Variants in CSMD1 observed in about 807,000 individuals in gnomAD.
CSMD1 encodes CUB and sushi domain-containing protein 1.
In CSMD1, 213 loss-of-function variants were observed where a neutral mutation model predicts 417.5. The observed-to-expected ratio is 0.51, with a 90% CI of 0.46 to 0.57. The LOEUF (loss-of-function observed/expected upper bound fraction) is 0.57, where lower values mean the gene tolerates loss of function less well. Among genes scored for constraint, CSMD1 ranks in the 20% least tolerant of loss-of-function variants. The pLI, the probability that CSMD1 is intolerant of heterozygous loss-of-function variation, is 0.00. For synonymous variants in CSMD1, 2,862 were observed against 1,736.8 expected, an observed-to-expected ratio of 1.65 and a Z score of -16.11; for missense variants, 6,923 against 4,529.7, an observed-to-expected ratio of 1.53 and a Z score of -15.17.
rs376859497 is a variant in CSMD1, at chr8:4,267,206, A to G, written c.415+152747T>C. ...ATTCCAAAAAATGCACAACAAAAGA[A>G]TCCATTAACAACAGTTATTAAAGAA... On this transcript the variant is annotated intron_variant, in intron 3 of 69. Transcript: ENST00000635120. 1.5e-4 allele frequency among the ~76,000 whole-genome samples: 16 copies of G among 104,668 alleles called. 5 individuals are homozygous for G. In the South Asian group the frequency reaches 5.9e-3, roughly 39 times the overall value. The allele number at this position is 104,668 out of a possible 152,430, so 68.7% of individuals were successfully genotyped here.
intron 12 of CSMD1, among the ~76,000 whole-genome samples, chr8:3,462,135 C>A (rs908564411): frequency 1.0e-4 from 15 of 143,194 alleles, no homozygotes; most frequent in Admixed American, 1.0e-3. Flanking sequence ...CCCCCCCCCA[C>A]CTCCCAGCTG....
chr8:3,445,504 C>T (rs7005470), intron 12 of CSMD1, among the ~76,000 whole-genome samples: 97,270 of 152,032 alleles, frequency 0.64, 31,295 homozygotes, highest in East Asian at 0.78. Context: ...GCCTCTATAG[C>T]TGCAATGTGC....
chr8:3,466,307 C>G (rs975249550), intron 12 of CSMD1, among the ~76,000 whole-genome samples: 2 of 152,030 alleles, frequency 1.3e-5, no homozygotes, highest in African/African-American at 4.8e-5. Context: ...AGTACAGCTC[C>G]AGAGCCTGTG....
intron 68 of CSMD1, among the ~76,000 whole-genome samples, chr8:2,947,262 T>C (rs1161474414): frequency 1.3e-5 from 2 of 152,220 alleles, no homozygotes; most frequent in African/African-American, 4.8e-5. Context: ...GTCTTTCAAA[T>C]TAATTTTATT....
chr8:3,979,852 A>T (rs1813722198), intron 5 of CSMD1, among the ~76,000 whole-genome samples: 1 of 152,234 alleles, frequency 6.6e-6, no homozygotes, highest in Non-Finnish European at 1.5e-5. Context: ...CTAAATTTTC[A>T]GAGCTATTTA....
chr8:4,715,491 T>C (rs780664835), intron 1 of CSMD1, among the ~76,000 whole-genome samples: 12 of 152,214 alleles, frequency 7.9e-5, no homozygotes, highest in South Asian at 2.1e-4. Context: ...TATAAATTGA[T>C]AATCCTCAAA....
At chr8:4,278,476 C>G (rs533159070) in intron 3 of CSMD1, among the ~76,000 whole-genome samples, 1 of 152,264 alleles carries the variant, frequency 6.6e-6, no homozygotes, top group Admixed American at 6.5e-5. Flanking sequence ...AACATGAAAG[C>G]AGCATTTTAA....
intron 6 of CSMD1, among the ~76,000 whole-genome samples, chr8:3,722,862 C>G (rs1190862316): frequency 2.6e-5 from 4 of 152,132 alleles, no homozygotes; most frequent in Non-Finnish European, 4.4e-5. Flanking sequence ...CAGGGATGAA[C>G]TAGCTGCTTT....
At chr8:3,123,931 C>A (rs746343006) in intron 41 of CSMD1, among the ~76,000 whole-genome samples, 1 of 152,118 alleles carries the variant, frequency 6.6e-6, no homozygotes, top group African/African-American at 2.4e-5. Flanking sequence ...CAATTAAGTT[C>A]TTTTTTGGGA....
rs183954049 is a variant in CSMD1, at chr8:3,690,605, G to C, written c.1009+17809C>G. On this transcript the variant is annotated intron_variant, in intron 7 of 69. Coordinates refer to ENST00000635120, the MANE Select transcript of CSMD1 (RefSeq NM_033225.6). ...CAGTGAGATGTGATTCAACGGTACT[G>C]TGATGATATCATAGCTTCCACTCTC... 2.6e-3 allele frequency among the ~76,000 whole-genome samples: 389 copies of C among 152,330 alleles called. 10 individuals carry two copies. Among genetic ancestry groups the C allele is most frequent in the Admixed American group, 0.025 (380 of 15,302 alleles).
intron 51 of CSMD1, among the ~76,000 whole-genome samples, chr8:3,028,793 C>T (rs989473634): frequency 5.3e-5 from 8 of 152,204 alleles, no homozygotes; most frequent in Non-Finnish European, 1.0e-4. Flanking sequence ...ATACTAGACA[C>T]ATCTGATTCA....
At chr8:4,768,118 G>T (rs1243476652) in intron 1 of CSMD1, among the ~76,000 whole-genome samples, 3 of 152,054 alleles carry the variant, frequency 2.0e-5, no homozygotes, top group Non-Finnish European at 4.4e-5. Context: ...AACTGTAAAA[G>T]AAAATTATAA....
intron 10 of CSMD1, among the ~76,000 whole-genome samples, chr8:3,546,312 G>A (rs887991576): frequency 2.0e-5 from 3 of 151,970 alleles, no homozygotes; most frequent in Non-Finnish European, 2.9e-5. Context: ...AAGGTGGGGG[G>A]ATCATGAGGT....
intron 2 of CSMD1, among the ~76,000 whole-genome samples, chr8:4,558,253 G>A (rs1798180932): frequency 6.6e-6 from 1 of 152,150 alleles, no homozygotes; most frequent in Non-Finnish European, 1.5e-5. Context: ...AAGCCCTGGT[G>A]AGTATCCACT....
rs143388021 is a variant in CSMD1 at position 4,286,918 on chromosome 8, G to C, written c.415+133035C>G. 6.6e-5 allele frequency among the ~76,000 whole-genome samples: 10 copies of C among 152,274 alleles called. No homozygotes were observed. The East Asian group carries it at 1.7e-3, about 26-fold the overall frequency. On this transcript the variant is annotated intron_variant, in intron 3 of 69. Transcript: ENST00000635120. ...CCAAGGAGTTGATTCAAATGAATCA[G>C]TTTTGTTATTGGATAGGAGTCAATA...
chr8:3,242,466 C>T (rs1400344924), intron 26 of CSMD1, among the ~76,000 whole-genome samples: 1 of 152,044 alleles, frequency 6.6e-6, no homozygotes, highest in African/African-American at 2.4e-5. Flanking sequence ...GGACGTCAGG[C>T]ACCTCAGACC....
At chr8:4,919,677 G>T (rs4242494) in intron 1 of CSMD1, among the ~76,000 whole-genome samples, 148,833 of 152,260 alleles carry the variant, frequency 0.98, 72,794 homozygotes, top group East Asian at 1. Context: ...ATTAACATAG[G>T]AGGTGTGAAT....
intron 1 of CSMD1, among the ~76,000 whole-genome samples, chr8:4,779,281 G>A (rs920715744): frequency 6.6e-6 from 1 of 151,988 alleles, no homozygotes; most frequent in African/African-American, 2.4e-5. Context: ...TCCATGTATA[G>A]GGGTTTTACC....
At chr8:3,790,487 G>A (rs1394908365) in intron 5 of CSMD1, among the ~76,000 whole-genome samples, 1 of 152,128 alleles carries the variant, frequency 6.6e-6, no homozygotes, top group Non-Finnish European at 1.5e-5. Context: ...TAATGATGAT[G>A]GTGAGAGTGA....
Sources: allele counts gnomAD v4.1 joint callset (sites outside exome capture counted in the v4.1 genomes callset), GRCh38; gene constraint gnomAD v4.1.1; transcripts MANE v1.5; gene names NCBI Gene and HGNC (gene_info 2026-07-23, HGNC 2026-07-21).